CERS6: variants seen among roughly 807,000 people sequenced by gnomAD.
CERS6 encodes the protein LAG1 homolog, ceramide synthase 6.
In CERS6, 26 loss-of-function variants were observed where a neutral mutation model predicts 56.8. That is an observed-to-expected ratio of 0.46 (90% CI 0.34 to 0.63). The LOEUF (loss-of-function observed/expected upper bound fraction) is 0.63. Among genes scored for constraint, CERS6 ranks in the 30% least tolerant of loss-of-function variants. CERS6 has a pLI of 0.01. For missense variants in CERS6, 415 were observed against 467.5 expected (o/e 0.89, Z 1.04); for synonymous variants, 164 against 173.3 (o/e 0.95, Z 0.42).
chr2:168,630,322 ACACACG>A (rs1427724473), intron 3 of CERS6, among the ~76,000 whole-genome samples: 109 of 141,088 alleles, frequency 7.7e-4, no homozygotes, highest in South Asian at 1.6e-3. Flanking sequence ...ACACACACAC[ACACACG>A]CACACATCTT....
intron 8 of CERS6, among the ~76,000 whole-genome samples, chr2:168,751,553 C>G (rs2105445653): frequency 6.6e-6 from 1 of 152,178 alleles, no homozygotes; most frequent in Admixed American, 6.5e-5. Flanking sequence ...AGCTGTGTTT[C>G]TCAAGCCTTG....
At chr2:168,590,098 C>T (rs1338677428) in intron 3 of CERS6, among the ~76,000 whole-genome samples, 6 of 152,154 alleles carry the variant, frequency 3.9e-5, no homozygotes, top group Non-Finnish European at 8.8e-5. Flanking sequence ...CTGGGCATAG[C>T]CTGCTTCAGG....
chr2:168,692,795 T>A (rs1234379675), intron 5 of CERS6, among the ~76,000 whole-genome samples: 1 of 152,180 alleles, frequency 6.6e-6, no homozygotes, highest in African/African-American at 2.4e-5. Context: ...ATAATTATTA[T>A]GTATGCAATT....
At chr2:168,553,388 C>T (rs1558995198) in intron 2 of CERS6, among the ~76,000 whole-genome samples, 1 of 152,082 alleles carries the variant, frequency 6.6e-6, no homozygotes, top group African/African-American at 2.4e-5. Context: ...TGAAAATGGG[C>T]CCAGAAAGTT....
At position 168,679,176 on chromosome 2, in the gene CERS6, G is replaced by A. The variant is rs145262654; in HGVS notation, c.466-11858G>A. 6.4e-3 allele frequency among the ~76,000 whole-genome samples: 963 copies of A among 150,768 alleles called. 12 individuals are homozygous for A. The highest frequency in any genetic ancestry group is 0.021 in the African/African-American group (879 of 41,266). ...TACAGCAGTAGTTACCAGAGATTGG[G>A]AAGGGAGGGTGGGGAGACGTTTGTC... is the stretch of plus-strand genomic sequence containing the variant. On this transcript the variant is annotated intron_variant, in intron 4 of 9. Coordinates refer to ENST00000305747, the MANE Select transcript of CERS6 (RefSeq NM_203463.3).
chr2:168,689,442 T>A (rs1403097470), intron 4 of CERS6, among the ~76,000 whole-genome samples: 1 of 152,180 alleles, frequency 6.6e-6, no homozygotes, highest in African/African-American at 2.4e-5. Context: ...ATCAAAATGT[T>A]AATGGTGATG....
At chr2:168,668,062 G>A (rs1685809754) in intron 4 of CERS6, among the ~76,000 whole-genome samples, 1 of 152,182 alleles carries the variant, frequency 6.6e-6, no homozygotes, top group African/African-American at 2.4e-5. Flanking sequence ...TTGAAATCAT[G>A]ATAAGGAGCC....
At chr2:168,634,805 A>T (rs1385055977) in intron 4 of CERS6, among the ~76,000 whole-genome samples, 1 of 152,214 alleles carries the variant, frequency 6.6e-6, no homozygotes, top group Non-Finnish European at 1.5e-5. Context: ...TAATTTCAAT[A>T]TCAGTCAGGG....
At chr2:168,736,206 A>C (rs1056660608) in intron 8 of CERS6, among the ~76,000 whole-genome samples, 1 of 152,332 alleles carries the variant, frequency 6.6e-6, no homozygotes, top group African/African-American at 2.4e-5. Context: ...GTTTTTGTGT[A>C]TATTAAGTAA....
intron 1 of CERS6, among the ~76,000 whole-genome samples, chr2:168,514,027 A>G (rs1386059530): frequency 6.6e-5 from 10 of 152,198 alleles, no homozygotes; most frequent in Admixed American, 6.5e-4. Context: ...CTCAAGCACA[A>G]TTTCTAAAAA....
intron 1 of CERS6, among the ~76,000 whole-genome samples, chr2:168,462,737 G>C (rs1438512589): frequency 1.3e-5 from 2 of 152,044 alleles, no homozygotes; most frequent in African/African-American, 4.8e-5. Context: ...ATGGGGTCTT[G>C]CTTTGTTGTC....
intron 1 of CERS6, among the ~76,000 whole-genome samples, chr2:168,507,108 A>C (rs151165647): frequency 1.3e-5 from 2 of 152,238 alleles, no homozygotes; most frequent in East Asian, 3.9e-4. Flanking sequence ...AGCAAGCTGT[A>C]GACATCATGT....
At chr2:168,590,491 G>A (rs946794015) in intron 3 of CERS6, among the ~76,000 whole-genome samples, 2 of 152,124 alleles carry the variant, frequency 1.3e-5, no homozygotes, top group African/African-American at 4.8e-5. Context: ...GTTAATGTAA[G>A]CCACTTGGAA....
chr2:168,753,673 T>G (rs540835214), intron 8 of CERS6, among the ~76,000 whole-genome samples: 1 of 152,320 alleles, frequency 6.6e-6, no homozygotes, highest in African/African-American at 2.4e-5. Flanking sequence ...CTAGGATACA[T>G]TTTTCTCTTT....
intron 4 of CERS6, among the ~76,000 whole-genome samples, chr2:168,677,887 A>G (rs1378792459): frequency 3.9e-5 from 6 of 152,244 alleles, no homozygotes; most frequent in African/African-American, 2.4e-5. Flanking sequence ...GGCGAAGGAT[A>G]TAAACAGACA....
chr2:168,547,551 A>G (rs773291376), intron 1 of CERS6, 45 bp from the exon 2 acceptor site: 12 of 1,228,676 alleles, frequency 9.8e-6, no homozygotes, highest in African/African-American at 1.5e-5. Flanking sequence ...TCACATAGAA[A>G]GAATAAATTC....
chr2:168,456,397 T>G lies in CERS6; in HGVS notation c.-52T>G. The stretch of plus-strand genomic sequence containing the variant: ...GCGCATCCCCGGGCGCCCTGCGCGG[T>G]GGAGAGCTTGGCGGGCTGCGGGTGC... On this transcript the variant is annotated 5_prime_UTR_variant, in exon 1 of 10. Transcript: ENST00000305747. The surrounding 1 kb of genome is among the most constrained non-coding windows in gnomAD (Gnocchi z 4.1). 5.4e-6 allele frequency: 8 copies of G among 1,485,842 alleles called. No homozygotes were observed. The highest frequency in any genetic ancestry group is 1.4e-5 in the African/African-American group (1 of 69,562). The allele number at this position is 1,485,842 out of a possible 1,614,324, so 92.0% of individuals were successfully genotyped here.
At chr2:168,484,222 C>G (rs1244369435) in intron 1 of CERS6, among the ~76,000 whole-genome samples, 1 of 124,758 alleles carries the variant, frequency 8.0e-6, no homozygotes, top group Non-Finnish European at 1.6e-5. Flanking sequence ...ACTCCTGTTG[C>G]CCAGGCTAAA....
intron 8 of CERS6, among the ~76,000 whole-genome samples, chr2:168,731,840 G>A (rs1465768535): frequency 1.3e-5 from 2 of 152,148 alleles, no homozygotes; most frequent in Non-Finnish European, 2.9e-5. Context: ...GATACGTGAA[G>A]CACTGAAGGA....
Sources: allele counts gnomAD v4.1 joint callset (sites outside exome capture counted in the v4.1 genomes callset), GRCh38; gene constraint gnomAD v4.1.1; non-coding constraint Gnocchi (gnomAD v3.1); transcripts MANE v1.5; gene names NCBI Gene and HGNC (gene_info 2026-07-23, HGNC 2026-07-21).